Variants in USP17L2 observed in about 807,000 individuals in gnomAD.
USP17L2 encodes ubiquitin specific peptidase 17 like family member 2, also known as ubiquitin carboxyl-terminal hydrolase 17.
Under a neutral mutation model 39.8 loss-of-function variants are expected in USP17L2, and 29 were observed. That is an observed-to-expected ratio of 0.73 (90% CI 0.54 to 0.99). USP17L2 has a LOEUF of 0.99. Ranked by LOEUF, USP17L2 falls within the 50% of genes least tolerant of loss-of-function variation. The pLI is 0.00. For missense variants in USP17L2, 567 were observed against 647.2 expected, an observed-to-expected ratio of 0.88 and a Z score of 1.35; for synonymous variants, 231 against 252.7, an observed-to-expected ratio of 0.91 and a Z score of 0.81.
Position 12,137,400 on chromosome 8 carries a change from T to A in USP17L2, c.1361A>T (p.Lys454Ile), listed in dbSNP as rs564890148. Residue 454 changes from lysine (K) to isoleucine (I), a missense_variant, in exon 1 of 1, where the codon AAA (lysine) becomes ATA (isoleucine). Lys to Ile is a moderately radical substitution (Grantham distance 102, BLOSUM62 -3). Transcript: ENST00000333796. The stretch of plus-strand genomic sequence containing the variant: ...GTTGGGAGGCAGGGTACCTTCGACT[T>A]TTCTGACGTTGAACTCAGGCTTCGT... ...NKTKPEFNVR[K>I]VEGTLPPNVL... 1 of 1,532,248 alleles carries A rather than the reference T, an allele frequency of 6.5e-7. No individual in the cohort carries two copies. Among genetic ancestry groups the A allele is most frequent in the East Asian group, 2.6e-5 (1 of 38,462 alleles). 94.9% of individuals were successfully genotyped at this position (1,532,248 alleles called of 1,614,324 possible). A position where few individuals can be genotyped will look rare whatever the true frequency, so the allele number is the denominator to read the frequency against.
Position 12,137,786 on chromosome 8 carries a change from G to A in USP17L2, c.975C>T (p.His325=), listed in dbSNP as rs770975046. 133 of 1,489,222 alleles carry A rather than the reference G, an allele frequency of 8.9e-5. 8 individuals carry two copies. Among genetic ancestry groups the A allele is most frequent in the Non-Finnish European group, 1.1e-4 (119 of 1,096,972 alleles). The allele number at this position is 1,489,222 out of a possible 1,614,324, so 92.3% of individuals were successfully genotyped here. ...LVYVLYAVLV[H]AGWSCHDGHY... is the part of the protein sequence containing the mutation. ...GTCCGTCGTGACAACTCCACCCAGC[G>A]TGGACCAGCACAGCATAGAGGACAT... Residue 325 remains histidine, a synonymous_variant, in exon 1 of 1, where the codon CAC becomes CAT. Transcript: ENST00000333796.
At position 12,138,563 on chromosome 8, in the gene USP17L2, C is replaced by A. The variant is rs1478923360; in HGVS notation, c.198G>T (p.Lys66Asn). Residue 66 changes from lysine (K) to asparagine (N), a missense_variant, in exon 1 of 1, where the codon AAG becomes AAT. Around this residue, in one of 6 missense-constraint regions of USP17L2, gnomAD observed 120 missense variants for 111.0 expected, o/e 1.08. Transcript: ENST00000333796. The part of the protein sequence containing the change: ...APVARQLAPR[K>N]KLPLSSRRPA... ...GTCTCCTGCTACTCAGAGGAAGCTT[C>A]TTCCTGGGAGCAAGCTGTCTTGCCA... 40 of 1,530,920 alleles carry A rather than the reference C, an allele frequency of 2.6e-5. 4 individuals are homozygous for A. Among genetic ancestry groups the A allele is most frequent in the Non-Finnish European group, 3.5e-5 (40 of 1,135,426 alleles). 94.8% of individuals were successfully genotyped at this position (1,530,920 alleles called of 1,614,324 possible). A position where few individuals can be genotyped will look rare whatever the true frequency, so the allele number is the denominator to read the frequency against.
Position 12,138,654 on chromosome 8 carries a change from G to C in USP17L2, c.107C>G (p.Ser36Cys), listed in dbSNP as rs769909130. The part of the protein sequence containing the change: ...DAAFAEIQRT[S>C]LPEKSPLSSE... ...TGAGAGTGGTGACTTCTCAGGGAGAGAAGTCCGCTGGATTTCAGCAAAAGC... is the reference window on the plus strand; with the variant it reads ...TGAGAGTGGTGACTTCTCAGGGAGACAAGTCCGCTGGATTTCAGCAAAAGC... Residue 36 changes from serine to cysteine, a missense_variant, in exon 1 of 1, where the codon TCT (serine) becomes TGT (cysteine). Physicochemically the swap from Ser to Cys is moderately radical, Grantham distance 112. Around this residue, in one of 6 missense-constraint regions of USP17L2, gnomAD observed 120 missense variants for 111.0 expected, o/e 1.08. Coordinates refer to ENST00000333796, the MANE Select transcript of USP17L2 (RefSeq NM_201402.3). The C allele has an allele frequency of 6.6e-7, 1 of 1,524,880 alleles. No homozygotes were observed. The highest frequency in any genetic ancestry group is 8.9e-7 in the Non-Finnish European group (1 of 1,129,250). The allele number at this position is 1,524,880 out of a possible 1,614,324, so 94.5% of individuals were successfully genotyped here. A position where few individuals can be genotyped will look rare whatever the true frequency, so the allele number is the denominator to read the frequency against.
Position 12,137,875 on chromosome 8 carries a change from G to T in USP17L2, c.886C>A (p.Gln296Lys). The change falls in exon 1 of 1, where the codon CAA becomes AAA. Residue 296 changes from glutamine (Q) to lysine (K), a missense_variant. Gln to Lys is a moderately conservative substitution (Grantham distance 53). Transcript: ENST00000333796. Reference sequence around the variant, plus strand: ...TGCATGTCAAGGCACTCAGGATATTGCACATTCTTGGCAAGTTTGTTGCCT... The same window carrying T: ...TGCATGTCAAGGCACTCAGGATATTTCACATTCTTGGCAAGTTTGTTGCCT... ...VTGNKLAKNV[Q>K]YPECLDMQPY... is the part of the protein sequence containing the mutation. 1.3e-6 allele frequency: 2 copies of T among 1,527,348 alleles called. No homozygotes were observed. The highest frequency in any genetic ancestry group is 8.9e-7 in the Non-Finnish European group (1 of 1,127,720). The allele number at this position is 1,527,348 out of a possible 1,614,324, so 94.6% of individuals were successfully genotyped here. A position where few individuals can be genotyped will look rare whatever the true frequency, so the allele number is the denominator to read the frequency against.
chr8:12,137,037 A>G lies in USP17L2; in HGVS notation c.*131T>C. On this transcript the variant is annotated 3_prime_UTR_variant, in exon 1 of 1. Coordinates refer to ENST00000333796, the MANE Select transcript of USP17L2 (RefSeq NM_201402.3). ...GTAGAGACAGAAACTTGGACTCCTCATTACTTTATGTAGGATTGACGGTGT... is the reference window on the plus strand; with the variant it reads ...GTAGAGACAGAAACTTGGACTCCTCGTTACTTTATGTAGGATTGACGGTGT... 2 of 1,186,782 alleles carry G rather than the reference A, an allele frequency of 1.7e-6. No individual in the cohort carries two copies. The highest frequency in any genetic ancestry group is 2.4e-6 in the Non-Finnish European group (2 of 841,858). 73.5% of individuals were successfully genotyped at this position (1,186,782 alleles called of 1,614,324 possible). A position where few individuals can be genotyped will look rare whatever the true frequency, so the allele number is the denominator to read the frequency against.
At position 12,136,575 on chromosome 8, in the gene USP17L2, G is replaced by T. The variant is rs1327138049; in HGVS notation, c.*593C>A. On this transcript the variant is annotated 3_prime_UTR_variant, in exon 1 of 1. Transcript: ENST00000333796. ...TCTGTCTGTTTCCGGCGTTATGTGGGTTCCAGCAAGAGCACAAGTCCCAGG... is the reference window on the plus strand; with the variant it reads ...TCTGTCTGTTTCCGGCGTTATGTGGTTTCCAGCAAGAGCACAAGTCCCAGG... 7.1e-6 allele frequency among the ~76,000 whole-genome samples: 1 copy of T among 140,524 alleles called. No individual in the cohort carries two copies. Among genetic ancestry groups the T allele is most frequent in the Non-Finnish European group, 1.5e-5 (1 of 64,880 alleles). The allele number at this position is 140,524 out of a possible 152,430, so 92.2% of individuals were successfully genotyped here.
Position 12,137,873 on chromosome 8 carries a change from T to C in USP17L2, c.888A>G (p.Gln296=), listed in dbSNP as rs1451004775. 30 of 1,526,006 alleles carry C rather than the reference T, an allele frequency of 2.0e-5. 6 individuals are homozygous for C. Among genetic ancestry groups the C allele is most frequent in the Non-Finnish European group, 2.7e-5 (30 of 1,126,554 alleles). The allele number at this position is 1,526,006 out of a possible 1,614,324, so 94.5% of individuals were successfully genotyped here. A position where few individuals can be genotyped will look rare whatever the true frequency, so the allele number is the denominator to read the frequency against. Residue 296 remains glutamine, a synonymous_variant, in exon 1 of 1, where the codon CAA becomes CAG. Transcript: ENST00000333796. ...VTGNKLAKNV[Q]YPECLDMQPY... Reference sequence around the variant, plus strand: ...GCTGCATGTCAAGGCACTCAGGATATTGCACATTCTTGGCAAGTTTGTTGC... The same window carrying C: ...GCTGCATGTCAAGGCACTCAGGATACTGCACATTCTTGGCAAGTTTGTTGC...
chr8:12,137,701 C>G lies in USP17L2; in HGVS notation c.1060G>C (p.Val354Leu), dbSNP rs369673487. The change falls in exon 1 of 1, where the codon GTC (valine) becomes CTC (leucine). Residue 354 changes from valine (V) to leucine (L), a missense_variant. Val to Leu is a conservative substitution (Grantham distance 32). Around this residue, in one of 6 missense-constraint regions of USP17L2, gnomAD observed 304 missense variants for 254.7 expected, o/e 1.19. Coordinates refer to ENST00000333796, the MANE Select transcript of USP17L2 (RefSeq NM_201402.3). Reference sequence around the variant, plus strand: ...ACAGAAGTGATGCTACAGGCAGTGACCTTGGCATCATCCATTTTATACCAC... The same window carrying G: ...ACAGAAGTGATGCTACAGGCAGTGAGCTTGGCATCATCCATTTTATACCAC... ...GQWYKMDDAK[V>L]TACSITSVLS... 8.5e-6 allele frequency: 13 copies of G among 1,533,706 alleles called. No individual in the cohort carries two copies. The African/African-American group carries it at 1.8e-4, about 21-fold the overall frequency.
chr8:12,136,602 C>A lies in USP17L2; in HGVS notation c.*566G>T, dbSNP rs532416994. The stretch of plus-strand genomic sequence containing the variant: ...TCCAGCAAGAGCACAAGTCCCAGGG[C>A]GCCTGAGGTCCATTCAGAAACCAAT... On this transcript the variant is annotated 3_prime_UTR_variant, in exon 1 of 1. Coordinates refer to ENST00000333796, the MANE Select transcript of USP17L2 (RefSeq NM_201402.3). Among the ~76,000 whole-genome samples the A allele has an allele frequency of 7.1e-6, 1 of 140,300 alleles. No homozygotes were observed. Among genetic ancestry groups the A allele is most frequent in the South Asian group, 2.5e-4 (1 of 3,956 alleles). The allele number at this position is 140,300 out of a possible 152,430, so 92.0% of individuals were successfully genotyped here.
In USP17L2 at chr8:12,137,512, C is replaced by A. The variant is rs760909635; in HGVS notation, c.1249G>T (p.Ala417Ser). Reference protein sequence around the residue: ...ELKRDHPCLQAPELDERLVER... With the variant: ...ELKRDHPCLQSPELDERLVER... The stretch of plus-strand genomic sequence containing the variant: ...ACCAAGCGCTCGTCCAACTCGGGTG[C>A]CTGGAGGCAGGGGTGGTCTCTCTTG... The change falls in exon 1 of 1, where the codon GCA becomes TCA. Residue 417 changes from alanine to serine, a missense_variant. By Grantham distance (99) the Ala-to-Ser change is moderately conservative. Around this residue, in one of 6 missense-constraint regions of USP17L2, gnomAD observed 304 missense variants for 254.7 expected, o/e 1.19. Transcript: ENST00000333796. 1.0e-5 allele frequency: 16 copies of A among 1,532,940 alleles called. 6 individuals are homozygous for A. In the East Asian group the frequency reaches 4.2e-4, roughly 40 times the overall value. 95.0% of individuals were successfully genotyped at this position (1,532,940 alleles called of 1,614,324 possible). A position where few individuals can be genotyped will look rare whatever the true frequency, so the allele number is the denominator to read the frequency against.
chr8:12,137,205 T>A lies in USP17L2; in HGVS notation c.1556A>T (p.Asn519Ile). 1 of 1,531,028 alleles carries A rather than the reference T, an allele frequency of 6.5e-7. No homozygotes were observed. Among genetic ancestry groups the A allele is most frequent in the South Asian group, 1.2e-5 (1 of 81,286 alleles). The allele number at this position is 1,531,028 out of a possible 1,614,324, so 94.8% of individuals were successfully genotyped here. A position where few individuals can be genotyped will look rare whatever the true frequency, so the allele number is the denominator to read the frequency against. ...AAGCAGAGCCCTCTTGCTGTGTTTG[T>A]TCTTCCCTTTGGATCTCCTGGTCCT... ...QGRTRRSKGK[N>I]KHSKRALLVC... The change falls in exon 1 of 1, where the codon AAC becomes ATC. Residue 519 changes from asparagine to isoleucine, a missense_variant. Physicochemically the swap from Asn to Ile is moderately radical, Grantham distance 149. This residue lies in a region of USP17L2 where 304 missense variants were observed against 254.7 expected (regional missense o/e 1.19). Transcript: ENST00000333796.
At position 12,137,088 on chromosome 8, in the gene USP17L2, T is replaced by G; in HGVS notation, c.*80A>C. 7.1e-7 allele frequency: 1 copy of G among 1,405,064 alleles called. No individual in the cohort carries two copies. Among genetic ancestry groups the G allele is most frequent in the Non-Finnish European group, 9.8e-7 (1 of 1,024,650 alleles). 87.0% of individuals were successfully genotyped at this position (1,405,064 alleles called of 1,614,324 possible). A position where few individuals can be genotyped will look rare whatever the true frequency, so the allele number is the denominator to read the frequency against. On this transcript the variant is annotated 3_prime_UTR_variant, in exon 1 of 1. Coordinates refer to ENST00000333796, the MANE Select transcript of USP17L2 (RefSeq NM_201402.3). ...TCGTGTTTGTGTGTGTGTGTGTGTT[T>G]GCGTGCGCGCTTGTGGGTGTATTTG... is the stretch of plus-strand genomic sequence containing the variant.
chr8:12,137,072 TG>T lies in USP17L2; in HGVS notation c.*95del, dbSNP rs1344174410. On this transcript the variant is annotated 3_prime_UTR_variant, in exon 1 of 1. Transcript: ENST00000333796. ...GTAGGATTGACGGTGTTCGTGTTTG[TG>T]TGTGTGTGTGTGTTTGCGTGCGCGC... The T allele has an allele frequency of 2.0e-5, 26 of 1,323,046 alleles. 2 individuals are homozygous for T. The highest frequency in any genetic ancestry group is 1.1e-4 in the Admixed American group (6 of 53,668). The allele number at this position is 1,323,046 out of a possible 1,614,324, so 82.0% of individuals were successfully genotyped here. A position where few individuals can be genotyped will look rare whatever the true frequency, so the allele number is the denominator to read the frequency against.
rs371227729 is a variant in USP17L2 at position 12,137,408 on chromosome 8, G to A, written c.1353C>T (p.Asn451=). The A allele has an allele frequency of 8.7e-5, 133 of 1,532,258 alleles. 14 individuals are homozygous for A. Among genetic ancestry groups the A allele is most frequent in the African/African-American group, 1.6e-4 (11 of 68,324 alleles). 94.9% of individuals were successfully genotyped at this position (1,532,258 alleles called of 1,614,324 possible). A position where few individuals can be genotyped will look rare whatever the true frequency, so the allele number is the denominator to read the frequency against. The change falls in exon 1 of 1, where the codon AAC becomes AAT. Residue 451 remains asparagine, a synonymous_variant. Transcript: ENST00000333796. ...GCAGGGTACCTTCGACTTTTCTGAC[G>A]TTGAACTCAGGCTTCGTTTTGTTTT... ...QEQNKTKPEF[N]VRKVEGTLPP...
chr8:12,137,181 A>C lies in USP17L2; in HGVS notation c.1580T>G (p.Leu527Arg). ...CTTCCACTGAGATCACTGGCACACA[A>C]GCAGAGCCCTCTTGCTGTGTTTGTT... ...GKNKHSKRAL[L>R]VCQ The change falls in exon 1 of 1, where the codon CTT becomes CGT. Residue 527 changes from leucine to arginine, a missense_variant. By Grantham distance (102) the Leu-to-Arg change is moderately radical (BLOSUM62 -2). This residue lies in a region of USP17L2 where 304 missense variants were observed against 254.7 expected (regional missense o/e 1.19). Transcript: ENST00000333796. The C allele has an allele frequency of 6.5e-7, 1 of 1,530,670 alleles. No homozygotes were observed. Among genetic ancestry groups the C allele is most frequent in the Non-Finnish European group, 8.8e-7 (1 of 1,135,172 alleles). The allele number at this position is 1,530,670 out of a possible 1,614,324, so 94.8% of individuals were successfully genotyped here.
the USP17L2 span, chr8:12,138,582 C>CT: frequency 6.5e-7 from 1 of 1,531,040 alleles, no homozygotes; most frequent in African/African-American, 1.5e-5. Context: ...AGCAAGCTGT[C>CT]TTGCCACAGG....
chr8:12,136,680 A>T lies in USP17L2; in HGVS notation c.*488T>A, dbSNP rs1803232559. The stretch of plus-strand genomic sequence containing the variant: ...GAAGAGCACCGTTCCTATCTTCTAA[A>T]TGCATTCCAGTTTCCACTATTCAAG... On this transcript the variant is annotated 3_prime_UTR_variant, in exon 1 of 1. Coordinates refer to ENST00000333796, the MANE Select transcript of USP17L2 (RefSeq NM_201402.3). 1.4e-5 allele frequency among the ~76,000 whole-genome samples: 2 copies of T among 140,474 alleles called. No homozygotes were observed. Among genetic ancestry groups the T allele is most frequent in the African/African-American group, 2.7e-5 (1 of 37,326 alleles). 92.2% of individuals were successfully genotyped at this position (140,474 alleles called of 152,430 possible).
chr8:12,137,230 T>G lies in USP17L2; in HGVS notation c.1531A>C (p.Arg511=). The change falls in exon 1 of 1, where the codon AGG becomes CGG. Residue 511 remains arginine (R), a synonymous_variant. Coordinates refer to ENST00000333796, the MANE Select transcript of USP17L2 (RefSeq NM_201402.3). The stretch of plus-strand genomic sequence containing the variant: ...TTCTTCCCTTTGGATCTCCTGGTCC[T>G]CCCTTGCAGAGAAGCGAGGGTGCCA... The part of the protein sequence containing the change: ...NTGTLASLQG[R]TRRSKGKNKH... The G allele has an allele frequency of 6.5e-7, 1 of 1,530,848 alleles. No homozygotes were observed. Among genetic ancestry groups the G allele is most frequent in the Non-Finnish European group, 8.8e-7 (1 of 1,135,198 alleles). The allele number at this position is 1,530,848 out of a possible 1,614,324, so 94.8% of individuals were successfully genotyped here.
Position 12,138,309 on chromosome 8 carries a change from G to A in USP17L2, c.452C>T (p.Ala151Val). Residue 151 changes from alanine (A) to valine (V), a missense_variant, in exon 1 of 1, where the codon GCT becomes GTT. Transcript: ENST00000333796. ...TTCCTGCTTGCCTCTATGGAAGCCA[G>A]CAGCCAATGCCTGTGAGGGCTGGAT... ...HVIQPSQALA[A>V]GFHRGKQEDA... 1.3e-6 allele frequency: 2 copies of A among 1,498,758 alleles called. No homozygotes were observed. Among genetic ancestry groups the A allele is most frequent in the Non-Finnish European group, 1.8e-6 (2 of 1,104,246 alleles). 92.8% of individuals were successfully genotyped at this position (1,498,758 alleles called of 1,614,324 possible).
Sources: gnomAD v4.1 joint callset for allele counts (sites outside exome capture counted in the v4.1 genomes callset) on GRCh38, gnomAD v4.1.1 for gene constraint, gnomAD v4.1.1 regional missense constraint, MANE v1.5 for transcripts, NCBI Gene and HGNC (gene_info 2026-07-23, HGNC 2026-07-21) for gene names.